The following FCHSD2 variants were observed in gnomAD, a reference collection of about 807,000 sequenced individuals.
The protein encoded by FCHSD2 is F-BAR and double SH3 domains protein 2.
In FCHSD2, 38 loss-of-function variants were observed where a neutral mutation model predicts 108.1. That is an observed-to-expected ratio of 0.35 (90% CI 0.27 to 0.46). FCHSD2 has a LOEUF of 0.46. FCHSD2 is among the 20% of genes least tolerant of loss of function. The pLI, the probability that FCHSD2 is intolerant of heterozygous loss-of-function variation, is 1.00. For synonymous variants in FCHSD2, 279 were observed against 314.7 expected, an observed-to-expected ratio of 0.89 and a Z score of 1.20; for missense variants, 751 against 897.8, an observed-to-expected ratio of 0.84 and a Z score of 2.09.
At chr11:72,855,328 T>C (rs922445714) in intron 13 of FCHSD2, among the ~76,000 whole-genome samples, 3 of 151,808 alleles carry the variant, frequency 2.0e-5, no homozygotes, top group Non-Finnish European at 2.9e-5. Flanking sequence ...GACCAAAAAG[T>C]TGCTGGGTGT....
chr11:72,902,594 A>T lies in FCHSD2; in HGVS notation c.873T>A (p.Ala291=). Residue 291 remains alanine, a synonymous_variant, in exon 10 of 20, where the codon GCT becomes GCA. Transcript: ENST00000409418. ...YNLQLFLQEN[A]VFHKPQPFQF... is the part of the protein sequence containing the mutation. Reference sequence around the variant, plus strand: ...GGAAGGGCTGGGGTTTGTGAAATACAGCGTTTTCTTGCAAAAACAGCTGAA... The same window carrying T: ...GGAAGGGCTGGGGTTTGTGAAATACTGCGTTTTCTTGCAAAAACAGCTGAA... 1 of 1,588,138 alleles carries T rather than the reference A, an allele frequency of 6.3e-7. No homozygotes were observed. Among genetic ancestry groups the T allele is most frequent in the Non-Finnish European group, 8.6e-7 (1 of 1,166,414 alleles).
At chr11:72,932,661 A>T (rs1479579114) in intron 8 of FCHSD2, among the ~76,000 whole-genome samples, 1 of 152,112 alleles carries the variant, frequency 6.6e-6, no homozygotes, top group Non-Finnish European at 1.5e-5. Flanking sequence ...CTACTTGGAT[A>T]TCTCTATTGT....
rs901962148 is a variant in FCHSD2, at chr11:72,841,089, G to A, written c.2057-130C>T. 11 of 701,866 alleles carry A rather than the reference G, an allele frequency of 1.6e-5. No individual in the cohort carries two copies. In the African/African-American group the frequency reaches 1.8e-4, roughly 11 times the overall value. The allele number at this position is 701,866 out of a possible 1,614,324, so 43.5% of individuals were successfully genotyped here. A position where few individuals can be genotyped will look rare whatever the true frequency, so the allele number is the denominator to read the frequency against. On this transcript the variant is annotated intron_variant, in intron 18 of 19. Transcript: ENST00000409418. ...ATACTGAGGCGGGAGGATTACTTGA[G>A]GCCAGAAGTTCAAGGCTGCAGTGAG...
intron 13 of FCHSD2, among the ~76,000 whole-genome samples, chr11:72,850,940 G>GA (rs979127287): frequency 2.7e-5 from 4 of 150,436 alleles, no homozygotes; most frequent in African/African-American, 4.9e-5. Context: ...ATTAAAAATA[G>GA]AAAAAAAATA....
intron 3 of FCHSD2, among the ~76,000 whole-genome samples, chr11:73,069,338 CA>C (rs964904903): frequency 8.0e-6 from 1 of 124,384 alleles, no homozygotes; most frequent in Non-Finnish European, 1.7e-5. Flanking sequence ...AAAAAGACTA[CA>C]AAATAACTAT....
intron 5 of FCHSD2, among the ~76,000 whole-genome samples, chr11:72,999,315 C>CTTTTT (rs777275615): frequency 1.1e-4 from 11 of 103,766 alleles, no homozygotes; most frequent in East Asian, 2.8e-4. Context: ...ACCAAAGATT[C>CTTTTT]TTTTTTTTTT....
chr11:73,075,696 T>C (rs1859534482), intron 3 of FCHSD2, among the ~76,000 whole-genome samples: 1 of 151,208 alleles, frequency 6.6e-6, no homozygotes, highest in African/African-American at 2.4e-5. Flanking sequence ...GTGCCTGTAA[T>C]CCCAGCTACT....
At chr11:72,860,559 T>G (rs1861544275) in intron 13 of FCHSD2, among the ~76,000 whole-genome samples, 1 of 152,096 alleles carries the variant, frequency 6.6e-6, no homozygotes, top group Non-Finnish European at 1.5e-5. Context: ...AAACATAAAT[T>G]AGAGGCCAGG....
chr11:73,085,620 G>C (rs1044492792), intron 2 of FCHSD2, among the ~76,000 whole-genome samples: 4 of 151,992 alleles, frequency 2.6e-5, no homozygotes, highest in African/African-American at 9.7e-5. Context: ...CCCACGGGAA[G>C]GTGCAGGTTC....
At chr11:72,925,731 C>T (rs1354813025) in intron 8 of FCHSD2, among the ~76,000 whole-genome samples, 1 of 152,230 alleles carries the variant, frequency 6.6e-6, no homozygotes, top group Non-Finnish European at 1.5e-5. Context: ...ATGGCAGTGG[C>T]TGCTGCCATC....
chr11:72,936,798 T>A (rs754982920), intron 8 of FCHSD2, among the ~76,000 whole-genome samples: 4 of 152,224 alleles, frequency 2.6e-5, no homozygotes, highest in Non-Finnish European at 4.4e-5. Context: ...AAGATGATAT[T>A]CTTTATTTGC....
At chr11:72,911,529 C>G (rs1390486074) in intron 9 of FCHSD2, among the ~76,000 whole-genome samples, 1 of 152,110 alleles carries the variant, frequency 6.6e-6, no homozygotes, top group East Asian at 1.9e-4. Context: ...AAGAATGGCA[C>G]TGGTATTTTG....
intron 2 of FCHSD2, among the ~76,000 whole-genome samples, chr11:73,127,679 C>A (rs1293272232): frequency 6.6e-6 from 1 of 152,094 alleles, no homozygotes; most frequent in Non-Finnish European, 1.5e-5. Flanking sequence ...GAGTAAATTG[C>A]CAATCATCAA....
At chr11:73,101,969 C>T (rs1411937422) in intron 2 of FCHSD2, among the ~76,000 whole-genome samples, 2 of 152,182 alleles carry the variant, frequency 1.3e-5, no homozygotes, top group Non-Finnish European at 1.5e-5. Flanking sequence ...AGTCCAAAAT[C>T]TGCAGGGTAG....
intron 2 of FCHSD2, among the ~76,000 whole-genome samples, chr11:73,103,345 C>G (rs1435461820): frequency 6.6e-6 from 1 of 152,070 alleles, no homozygotes; most frequent in Non-Finnish European, 1.5e-5. Context: ...CTTCAGAACC[C>G]GCAAAACACT....
At chr11:72,999,033 T>C (rs1857573066) in intron 5 of FCHSD2, among the ~76,000 whole-genome samples, 1 of 152,230 alleles carries the variant, frequency 6.6e-6, no homozygotes, top group Admixed American at 6.5e-5. Context: ...GCAGAGCTAA[T>C]GGATGGAAAG....
At chr11:73,106,704 G>T (rs1248659481) in intron 2 of FCHSD2, among the ~76,000 whole-genome samples, 10 of 152,096 alleles carry the variant, frequency 6.6e-5, no homozygotes, top group Non-Finnish European at 1.3e-4. Context: ...TTTATGCTGT[G>T]TTTTTTCTAC....
intron 8 of FCHSD2, among the ~76,000 whole-genome samples, chr11:72,945,087 G>T (rs1856493173): frequency 6.6e-6 from 1 of 152,094 alleles, no homozygotes; most frequent in African/African-American, 2.4e-5. Context: ...AGCCTGCATT[G>T]CCAAGTCAAT....
intron 13 of FCHSD2, among the ~76,000 whole-genome samples, chr11:72,850,270 G>T (rs1335994556): frequency 6.6e-6 from 1 of 151,576 alleles, no homozygotes; most frequent in East Asian, 1.9e-4. Context: ...TCACCATGTT[G>T]GCCAGGCTGG....
Sources: gnomAD v4.1 joint callset for allele counts (sites outside exome capture counted in the v4.1 genomes callset) on GRCh38, gnomAD v4.1.1 for gene constraint, MANE v1.5 for transcripts, NCBI Gene and HGNC (gene_info 2026-07-23, HGNC 2026-07-21) for gene names.